The following RFC3 variants were observed in gnomAD, a reference collection of about 807,000 sequenced individuals.
RFC3 encodes the protein A1 38 kDa subunit.
A neutral mutation model predicts 45.1 loss-of-function variants in RFC3; 41 were observed. That is an observed-to-expected ratio of 0.91 (90% CI 0.71 to 1.18). RFC3 has a LOEUF of 1.18. RFC3 is among the 50% of genes most tolerant of loss of function. The pLI, the probability that RFC3 is intolerant of heterozygous loss-of-function variation, is 0.00. For synonymous variants in RFC3, 149 were observed against 144.0 expected (o/e 1.03, Z -0.25); for missense variants, 423 against 428.1 (o/e 0.99, Z 0.10).
At chr13:33,862,630 ATATG>A (rs1170002544) in intron 8 of RFC3, among the ~76,000 whole-genome samples, 1 of 152,092 alleles carries the variant, frequency 6.6e-6, no homozygotes, top group Admixed American at 6.6e-5. Context: ...GGTAAATATA[ATATG>A]TATGTATTAC....
chr13:33,942,987 T>G (rs940515850), intron 8 of RFC3, among the ~76,000 whole-genome samples: 1 of 152,190 alleles, frequency 6.6e-6, no homozygotes, highest in African/African-American at 2.4e-5. Context: ...ACCTTCAGAG[T>G]GGCTCCCATC....
chr13:33,844,668 C>T (rs2082224731), intron 8 of RFC3, among the ~76,000 whole-genome samples: 1 of 152,152 alleles, frequency 6.6e-6, no homozygotes, highest in African/African-American at 2.4e-5. Context: ...AAAAATTCTA[C>T]AATTTAACTT....
At chr13:33,841,408 G>C (rs948220121), downstream of RFC3, among the ~76,000 whole-genome samples, 3 of 152,222 alleles carry the variant, frequency 2.0e-5, no homozygotes, top group Admixed American at 2.0e-4. Flanking sequence ...AAAATGCCAT[G>C]TGGTACCTTT....
chr13:33,924,501 G>T (rs1237154412), intron 8 of RFC3, among the ~76,000 whole-genome samples: 1 of 151,638 alleles, frequency 6.6e-6, no homozygotes, highest in African/African-American at 2.4e-5. Flanking sequence ...AGTTGTAATA[G>T]GTATGGTATA....
chr13:33,897,981 G>C (rs949269888), intron 8 of RFC3, among the ~76,000 whole-genome samples: 1 of 151,672 alleles, frequency 6.6e-6, no homozygotes, highest in Non-Finnish European at 1.5e-5. Context: ...TACCTACTAT[G>C]TACTCATAAA....
intron 8 of RFC3, chr13:33,849,437 C>G (rs1194115788): frequency 1.3e-5 from 2 of 152,178 alleles, no homozygotes; most frequent in African/African-American, 4.8e-5. Flanking sequence ...TGTAAACACT[C>G]TCACCATGGC....
downstream of RFC3, among the ~76,000 whole-genome samples, chr13:33,967,910 G>A (rs534400397): frequency 3.3e-5 from 5 of 152,220 alleles, no homozygotes; most frequent in African/African-American, 1.2e-4. Flanking sequence ...TAAAAAACAA[G>A]TCATACCCAT....
chr13:33,949,626 G>T (rs559817117), intron 8 of RFC3, among the ~76,000 whole-genome samples: 1 of 152,242 alleles, frequency 6.6e-6, no homozygotes, highest in African/African-American at 2.4e-5. Flanking sequence ...TTAGGTGCAC[G>T]TGATGATTAA....
chr13:33,861,455 C>CT (rs1426768733), intron 8 of RFC3, among the ~76,000 whole-genome samples: 1 of 152,070 alleles, frequency 6.6e-6, no homozygotes, highest in African/African-American at 2.4e-5. Context: ...TGCCGAAACT[C>CT]TGTCTCTACT....
chr13:33,879,655 C>A (rs1015089395), intron 8 of RFC3, among the ~76,000 whole-genome samples: 1 of 152,208 alleles, frequency 6.6e-6, no homozygotes, highest in Non-Finnish European at 1.5e-5. Context: ...CTAACAATTA[C>A]ATCAATTATA....
the RFC3 span, among the ~76,000 whole-genome samples, chr13:33,977,279 TTAA>T: frequency 7.9e-5 from 12 of 152,130 alleles, no homozygotes; most frequent in Non-Finnish European, 1.5e-4. Flanking sequence ...ATAGAAGATG[TTAA>T]TAATGAGGAA....
chr13:33,956,682 C>G (rs912989481), intron 8 of RFC3, among the ~76,000 whole-genome samples: 2 of 152,204 alleles, frequency 1.3e-5, no homozygotes, highest in African/African-American at 4.8e-5. Context: ...TCTTCCCACT[C>G]TTAGCTGTGT....
intron 8 of RFC3, among the ~76,000 whole-genome samples, chr13:33,910,590 G>A (rs543155447): frequency 6.9e-4 from 105 of 152,198 alleles, no homozygotes; most frequent in African/African-American, 2.5e-3. Flanking sequence ...AAGACCATAG[G>A]CAGAATAGGA....
intron 8 of RFC3, among the ~76,000 whole-genome samples, chr13:33,923,104 C>G (rs2082780061): frequency 6.6e-6 from 1 of 152,186 alleles, no homozygotes; most frequent in Admixed American, 6.5e-5. Flanking sequence ...AGCCCCCGCT[C>G]TGACTGGAAA....
chr13:33,848,175 A>G (rs2082252062), intron 8 of RFC3: 1 of 152,166 alleles, frequency 6.6e-6, no homozygotes, highest in South Asian at 2.1e-4. Flanking sequence ...CATGTTCCAC[A>G]CTGAGCTTTT....
At chr13:33,888,107 T>C (rs957201146) in intron 8 of RFC3, among the ~76,000 whole-genome samples, 13 of 152,350 alleles carry the variant, frequency 8.5e-5, no homozygotes, top group Non-Finnish European at 1.3e-4. Context: ...GACTTGGTGA[T>C]GCAGGCTCTT....
chr13:33,878,706 T>A (rs2082463527), intron 8 of RFC3, among the ~76,000 whole-genome samples: 2 of 152,156 alleles, frequency 1.3e-5, no homozygotes, highest in African/African-American at 4.8e-5. Context: ...GTTGGCAGGT[T>A]CATTCAGAAT....
downstream of RFC3, among the ~76,000 whole-genome samples, chr13:33,841,209 C>A (rs1016052410): frequency 2.0e-5 from 3 of 152,216 alleles, no homozygotes; most frequent in Admixed American, 1.3e-4. Flanking sequence ...CTTCTCCACC[C>A]CTTCCTCCAG....
chr13:33,963,514 T>C (rs935664298), intron 8 of RFC3, among the ~76,000 whole-genome samples: 1 of 152,248 alleles, frequency 6.6e-6, no homozygotes, highest in Non-Finnish European at 1.5e-5. Flanking sequence ...TTAATTATCG[T>C]TGATGAAAGG....
Sources: allele counts gnomAD v4.1 joint callset (sites outside exome capture counted in the v4.1 genomes callset), GRCh38; gene constraint gnomAD v4.1.1; transcripts MANE v1.5; gene names NCBI Gene and HGNC (gene_info 2026-07-23, HGNC 2026-07-21).